CHRM4: variants seen among roughly 807,000 people sequenced by gnomAD.
CHRM4 encodes cholinergic receptor muscarinic 4.
CHRM4 carries 5 observed loss-of-function variants against 26.3 expected under a neutral mutation model. That is an observed-to-expected ratio of 0.19 (90% CI 0.10 to 0.40). The LOEUF is 0.40. Among genes scored for constraint, CHRM4 ranks in the 10% least tolerant of loss-of-function variants. CHRM4 has a pLI of 1.00. For missense variants in CHRM4, 402 were observed against 664.5 expected (o/e 0.60, Z 4.34); for synonymous variants, 290 against 285.3 (o/e 1.02, Z -0.16).
rs763168164 is a variant in CHRM4, at chr11:46,385,044, C to T, written c.*74G>A. The T allele has an allele frequency of 6.8e-7, 1 of 1,479,200 alleles. No individual in the cohort carries two copies. The highest frequency in any genetic ancestry group is 9.0e-7 in the Non-Finnish European group (1 of 1,108,288). 91.6% of individuals were successfully genotyped at this position (1,479,200 alleles called of 1,614,324 possible). On this transcript the variant is annotated 3_prime_UTR_variant, in exon 2 of 2. Transcript: ENST00000682254. The surrounding 1 kb of genome is among the most constrained non-coding windows in gnomAD (Gnocchi z 6.3). ...CAGAATGGTGCCTGCAACTCTTCCC[C>T]ACAGCAAGTGAGCCGTGTGGTCCCC...
Position 46,386,364 on chromosome 11 carries a change from G to A in CHRM4, c.194C>T (p.Thr65Ile). ...GCTGAAGAGGAAGTAGTTGTTGACT[G>A]TCTGCAGCTGCCTGTTGACCTTGAT... Reference protein sequence around the residue: ...LSIKVNRQLQTVNNYFLFSLA... With the variant: ...LSIKVNRQLQIVNNYFLFSLA... The change falls in exon 2 of 2, where the codon ACA (threonine) becomes ATA (isoleucine). Residue 65 changes from threonine to isoleucine, a missense_variant. Transcript: ENST00000682254. The surrounding 1 kb of genome is among the most constrained non-coding windows in gnomAD (Gnocchi z 5.8). 1 of 1,614,064 alleles carries A rather than the reference G, an allele frequency of 6.2e-7. No homozygotes were observed. The highest frequency in any genetic ancestry group is 8.5e-7 in the Non-Finnish European group (1 of 1,179,942).
intron 1 of CHRM4, among the ~76,000 whole-genome samples, chr11:46,389,898 TGTGCGTGTGTGTGCGCACGGCCAC>T (rs1945376350): frequency 6.6e-6 from 1 of 152,320 alleles, no homozygotes; most frequent in African/African-American, 2.4e-5. Flanking sequence ...GCTGTATGCA[TGTGCGTGTGTGTGCGCACGGCCAC>T]GCCTGGATAC....
rs200945802 is a variant in CHRM4, at chr11:46,386,499, G to A, written c.59C>T (p.Thr20Met). 9.7e-5 allele frequency: 157 copies of A among 1,613,582 alleles called. No individual in the cohort carries two copies. In the South Asian group the frequency reaches 1.5e-3, roughly 16 times the overall value. The part of the protein sequence containing the change: ...SSGNQSVRLV[T>M]SSSHNRYETV... Reference sequence around the variant, plus strand: ...CTCATAGCGATTGTGGGATGATGACGTGACCAGGCGCACGGACTGATTGCC... The same window carrying A: ...CTCATAGCGATTGTGGGATGATGACATGACCAGGCGCACGGACTGATTGCC... The change falls in exon 2 of 2, where the codon ACG (threonine) becomes ATG (methionine). Residue 20 changes from threonine to methionine, a missense_variant. Thr to Met is a moderately conservative substitution (Grantham distance 81). This residue lies in a region of CHRM4 where 92 missense variants were observed against 133.1 expected (regional missense o/e 0.69). Transcript: ENST00000682254. This position sits in a 1 kb window ranked among gnomAD's most constrained non-coding sequence, Gnocchi z 5.8.
chr11:46,388,286 G>T (rs1945361423), intron 1 of CHRM4, among the ~76,000 whole-genome samples: 1 of 152,234 alleles, frequency 6.6e-6, no homozygotes, highest in Admixed American at 6.5e-5. Context: ...CCCGCAGCCT[G>T]GGCTCTGGCT....
At chr11:46,389,606 A>C (rs953652073) in intron 1 of CHRM4, among the ~76,000 whole-genome samples, 2 of 152,190 alleles carry the variant, frequency 1.3e-5, no homozygotes, top group Non-Finnish European at 2.9e-5. Flanking sequence ...CTCCGGACCT[A>C]GACCGTGCGG....
chr11:46,385,525 C>G lies in CHRM4; in HGVS notation c.1033G>C (p.Val345Leu), dbSNP rs1216974790. ...CACTCATTGCCTGTCTGCTTCGTCA[C>G]AATCTGGATCTTGGACCATCTGGAG... Reference protein sequence around the residue: ...PASRWSKIQIVTKQTGNECVT... With the variant: ...PASRWSKIQILTKQTGNECVT... Residue 345 changes from valine (V) to leucine (L), a missense_variant, in exon 2 of 2, where the codon GTG becomes CTG. By Grantham distance (32) the Val-to-Leu change is conservative. Around this residue, in one of 5 missense-constraint regions of CHRM4, gnomAD observed 205 missense variants for 244.0 expected, o/e 0.84. Transcript: ENST00000682254. The surrounding 1 kb of genome is among the most constrained non-coding windows in gnomAD (Gnocchi z 6.3). 1.9e-6 allele frequency: 3 copies of G among 1,582,888 alleles called. No homozygotes were observed. The highest frequency in any genetic ancestry group is 2.6e-6 in the Non-Finnish European group (3 of 1,158,144).
At position 46,385,928 on chromosome 11, in the gene CHRM4, G is replaced by A. The variant is rs747202233; in HGVS notation, c.630C>T (p.Ile210=). 6.2e-7 allele frequency: 1 copy of A among 1,612,298 alleles called. No homozygotes were observed. Among genetic ancestry groups the A allele is most frequent in the South Asian group, 1.1e-5 (1 of 90,918 alleles). ...AIAAFYLPVV[I]MTVLYIHISL... ...AGATGTGGATGTACAGCACCGTCAT[G>A]ATGACCACAGGCAGGTAGAAGGCAG... is the stretch of plus-strand genomic sequence containing the variant. The change falls in exon 2 of 2, where the codon ATC becomes ATT. Residue 210 remains isoleucine (I), a synonymous_variant. Transcript: ENST00000682254. This position sits in a 1 kb window ranked among gnomAD's most constrained non-coding sequence, Gnocchi z 6.3.
chr11:46,386,169 C>T lies in CHRM4; in HGVS notation c.389G>A (p.Arg130His), dbSNP rs1322638523. The change falls in exon 2 of 2, where the codon CGC (arginine) becomes CAC (histidine). Residue 130 changes from arginine (R) to histidine (H), a missense_variant. Around this residue, in one of 5 missense-constraint regions of CHRM4, gnomAD observed 48 missense variants for 129.1 expected, o/e 0.37. Coordinates refer to ENST00000682254, the MANE Select transcript of CHRM4 (RefSeq NM_000741.5). This position sits in a 1 kb window ranked among gnomAD's most constrained non-coding sequence, Gnocchi z 5.8. ...GAGAGGCTTGGTGACGCAGAAGTAG[C>T]GGTCAAAGCTGATGATGAGAAGGTT... ...VMNLLIISFD[R>H]YFCVTKPLTY... The T allele has an allele frequency of 1.2e-6, 2 of 1,613,682 alleles. No homozygotes were observed. Among genetic ancestry groups the T allele is most frequent in the South Asian group, 1.1e-5 (1 of 91,068 alleles).
Position 46,385,286 on chromosome 11 carries a change from G to A in CHRM4, c.1272C>T (p.Thr424=). 2 of 1,614,122 alleles carry A rather than the reference G, an allele frequency of 1.2e-6. No homozygotes were observed. Among genetic ancestry groups the A allele is most frequent in the South Asian group, 1.1e-5 (1 of 91,088 alleles). ...TPYNVMVLVN[T]FCQSCIPDTV... ...TGTCAGGGATGCAGCTCTGGCAGAA[G>A]GTGTTCACCAGGACCATGACGTTGT... Residue 424 remains threonine, a synonymous_variant, in exon 2 of 2, where the codon ACC becomes ACT. Transcript: ENST00000682254. The surrounding 1 kb of genome is among the most constrained non-coding windows in gnomAD (Gnocchi z 6.3).
chr11:46,388,002 A>G (rs1204101493), intron 1 of CHRM4, among the ~76,000 whole-genome samples: 1 of 152,172 alleles, frequency 6.6e-6, no homozygotes, highest in Admixed American at 6.5e-5. Flanking sequence ...CCCTTCCCTG[A>G]GCCTGCCCTC....
chr11:46,391,634 A>G lies in CHRM4; in HGVS notation c.-133T>C, dbSNP rs1345354828. Among the ~76,000 whole-genome samples, 2 of 150,518 alleles carry G rather than the reference A, an allele frequency of 1.3e-5. No individual in the cohort carries two copies. Among genetic ancestry groups the G allele is most frequent in the African/African-American group, 4.9e-5 (2 of 41,094 alleles). On this transcript the variant is annotated 5_prime_UTR_variant, in exon 1 of 2. Transcript: ENST00000682254. This position sits in a 1 kb window ranked among gnomAD's most constrained non-coding sequence, Gnocchi z 6.3. ...AGCCACTTACCCGCCGCCTCTGCCCAGCTCCCCTCGCGCCAGACAGACGGC... is the reference window on the plus strand; with the variant it reads ...AGCCACTTACCCGCCGCCTCTGCCCGGCTCCCCTCGCGCCAGACAGACGGC...
rs773742760 is a variant in CHRM4, at chr11:46,385,977, G to A, written c.581C>T (p.Ala194Val). The A allele has an allele frequency of 1.8e-5, 29 of 1,612,958 alleles. No individual in the cohort carries two copies. Among genetic ancestry groups the A allele is most frequent in the Non-Finnish European group, 2.1e-5 (25 of 1,179,734 alleles). Residue 194 changes from alanine (A) to valine (V), a missense_variant, in exon 2 of 2, where the codon GCA becomes GTA. By Grantham distance (64) the Ala-to-Val change is moderately conservative (BLOSUM62 0). Around this residue, in one of 5 missense-constraint regions of CHRM4, gnomAD observed 48 missense variants for 129.1 expected, o/e 0.37. Coordinates refer to ENST00000682254, the MANE Select transcript of CHRM4 (RefSeq NM_000741.5). This position sits in a 1 kb window ranked among gnomAD's most constrained non-coding sequence, Gnocchi z 6.3. ...QCFIQFLSNPAVTFGTAIAAF... is the reference protein window; with the variant it reads ...QCFIQFLSNPVVTFGTAIAAF... ...AGCAATGGCTGTGCCAAAGGTCACT[G>A]CTGGGTTGGACAGGAACTGGATGAA...
chr11:46,389,193 A>G, intron 1 of CHRM4, among the ~76,000 whole-genome samples: 1 of 152,198 alleles, frequency 6.6e-6, no homozygotes, highest in East Asian at 1.9e-4. Flanking sequence ...CCTCGACCCG[A>G]AAACCACACA....
Position 46,386,034 on chromosome 11 carries a change from A to G in CHRM4, c.524T>C (p.Val175Ala), listed in dbSNP as rs1215759352. The G allele has an allele frequency of 1.5e-5, 25 of 1,613,192 alleles. No individual in the cohort carries two copies. The highest frequency in any genetic ancestry group is 2.1e-5 in the Non-Finnish European group (25 of 1,179,804). The change falls in exon 2 of 2, where the codon GTG becomes GCG. Residue 175 changes from valine (V) to alanine (A), a missense_variant. Val to Ala is a moderately conservative substitution (Grantham distance 64). Transcript: ENST00000682254. This position sits in a 1 kb window ranked among gnomAD's most constrained non-coding sequence, Gnocchi z 5.8. ...GTTGTCGGGCACCGTCCGCTTACCC[A>G]CCACAAACTGCCAGAACAAGATGGC... ...APAILFWQFVVGKRTVPDNQC... is the reference protein window; with the variant it reads ...APAILFWQFVAGKRTVPDNQC...
chr11:46,385,012 G>T lies in CHRM4; in HGVS notation c.*106C>A, dbSNP rs542044691. On this transcript the variant is annotated 3_prime_UTR_variant, in exon 2 of 2. Coordinates refer to ENST00000682254, the MANE Select transcript of CHRM4 (RefSeq NM_000741.5). This position sits in a 1 kb window ranked among gnomAD's most constrained non-coding sequence, Gnocchi z 6.3. ...CTTCTGAACTTCCTCCTCAGCAAAC[G>T]TGAACGCAGAATGGTGCCTGCAACT... 2.1e-6 allele frequency: 3 copies of T among 1,436,970 alleles called. No individual in the cohort carries two copies. The highest frequency in any genetic ancestry group is 2.8e-6 in the Non-Finnish European group (3 of 1,084,690). The allele number at this position is 1,436,970 out of a possible 1,614,324, so 89.0% of individuals were successfully genotyped here. A position where few individuals can be genotyped will look rare whatever the true frequency, so the allele number is the denominator to read the frequency against.
rs897370540 is a variant in CHRM4 at position 46,385,080 on chromosome 11, C to T, written c.*38G>A. On this transcript the variant is annotated 3_prime_UTR_variant, in exon 2 of 2. Transcript: ENST00000682254. The surrounding 1 kb of genome is among the most constrained non-coding windows in gnomAD (Gnocchi z 6.3). ...AGCCGTGTGGTCCCCCCAGCACACG[C>T]ACGCAACACCAGCACCTCCTAGGGC... 7 of 1,540,422 alleles carry T rather than the reference C, an allele frequency of 4.5e-6. No individual in the cohort carries two copies. The African/African-American group carries it at 8.2e-5, about 18-fold the overall frequency.
rs753379510 is a variant in CHRM4, at chr11:46,385,093, C to T, written c.*25G>A. On this transcript the variant is annotated 3_prime_UTR_variant, in exon 2 of 2. Transcript: ENST00000682254. The surrounding 1 kb of genome is among the most constrained non-coding windows in gnomAD (Gnocchi z 6.3). The stretch of plus-strand genomic sequence containing the variant: ...CCCCAGCACACGCACGCAACACCAG[C>T]ACCTCCTAGGGCACTCCTGCCTGCC... The T allele has an allele frequency of 6.4e-7, 1 of 1,567,200 alleles. No individual in the cohort carries two copies. The highest frequency in any genetic ancestry group is 1.2e-5 in the South Asian group (1 of 86,492).
intron 1 of CHRM4, among the ~76,000 whole-genome samples, chr11:46,390,073 CA>C (rs1454228424): frequency 1.3e-5 from 2 of 152,126 alleles, no homozygotes; most frequent in East Asian, 3.9e-4. Flanking sequence ...CATGCACAAG[CA>C]AATGCAGGGC....
intron 1 of CHRM4, among the ~76,000 whole-genome samples, chr11:46,389,391 G>A (rs1227464326): frequency 6.6e-6 from 1 of 152,242 alleles, no homozygotes; most frequent in Non-Finnish European, 1.5e-5. Context: ...GAGCTGCCAG[G>A]TGCTGACAGG....
Sources: allele counts gnomAD v4.1 joint callset (sites outside exome capture counted in the v4.1 genomes callset), GRCh38; gene constraint gnomAD v4.1.1; regional missense constraint gnomAD v4.1.1; non-coding constraint Gnocchi (gnomAD v3.1); transcripts MANE v1.5; gene names NCBI Gene and HGNC (gene_info 2026-07-23, HGNC 2026-07-21).